The following EFCAB5 variants were observed in gnomAD, a reference collection of about 807,000 sequenced individuals.
EFCAB5 encodes EF-hand calcium binding domain 5.
EFCAB5 carries 131 observed loss-of-function variants against 167.9 expected under a neutral mutation model. The observed-to-expected ratio is 0.78, with a 90% confidence interval of 0.68 to 0.90. The LOEUF (loss-of-function observed/expected upper bound fraction) is 0.90, where lower values mean the gene tolerates loss of function less well. Among genes scored for constraint, EFCAB5 ranks in the 40% least tolerant of loss-of-function variants. The pLI, the probability that EFCAB5 is intolerant of heterozygous loss-of-function variation, is 0.00. For synonymous variants in EFCAB5, 574 were observed against 602.8 expected, an observed-to-expected ratio of 0.95 and a Z score of 0.70; for missense variants, 1,663 against 1,745.2, an observed-to-expected ratio of 0.95 and a Z score of 0.84.
At chr17:30,086,123 G>A (rs947526931) in intron 18 of EFCAB5, among the ~76,000 whole-genome samples, 1 of 152,028 alleles carries the variant, frequency 6.6e-6, no homozygotes, top group Non-Finnish European at 1.5e-5. Context: ...AACCTCCGGG[G>A]TAGCTAAGAC....
chr17:30,045,518 C>T (rs1207361378), intron 8 of EFCAB5, among the ~76,000 whole-genome samples: 2 of 149,584 alleles, frequency 1.3e-5, no homozygotes, highest in African/African-American at 2.5e-5. Flanking sequence ...AAATGTTCTA[C>T]AGCTTCACTG....
chr17:30,011,179 C>T (rs1344530333), intron 7 of EFCAB5, among the ~76,000 whole-genome samples: 1 of 152,122 alleles, frequency 6.6e-6, no homozygotes, highest in Non-Finnish European at 1.5e-5. Flanking sequence ...TGTTTTGGTA[C>T]CAGTACCATG....
chr17:29,934,382 GT>G (rs749472944), intron 1 of EFCAB5, among the ~76,000 whole-genome samples: 36 of 152,254 alleles, frequency 2.4e-4, no homozygotes, highest in Middle Eastern at 3.4e-3. Flanking sequence ...AACACTTTTT[GT>G]GTCAAGTATC....
chr17:30,069,634 G>A (rs542860956), intron 14 of EFCAB5: 2 of 1,609,570 alleles, frequency 1.2e-6, no homozygotes, highest in Non-Finnish European at 1.7e-6. Flanking sequence ...ACCACAGCTA[G>A]CCTGGGCCAC....
rs780505938 is a variant in EFCAB5 at position 30,090,574 on chromosome 17, A to G, written c.3837A>G (p.Gln1279=). 1 of 1,614,004 alleles carries G rather than the reference A, an allele frequency of 6.2e-7. No individual in the cohort carries two copies. Among genetic ancestry groups the G allele is most frequent in the Non-Finnish European group, 8.5e-7 (1 of 1,179,886 alleles). Residue 1279 remains glutamine (Q), a synonymous_variant, in exon 20 of 23, where the codon CAA becomes CAG. Coordinates refer to ENST00000394835, the MANE Select transcript of EFCAB5 (RefSeq NM_198529.4). The part of the protein sequence containing the change: ...NIGQNRMLLC[Q]EYKDLQKMMK... ...GCCAAAATAGGATGTTGTTGTGTCA[A>G]GAATATAAAGATCTACAGAAAATGA...
chr17:30,023,451 G>A (rs146900959), intron 7 of EFCAB5, among the ~76,000 whole-genome samples: 13,626 of 151,854 alleles, frequency 0.09, 1,354 homozygotes, highest in African/African-American at 0.25. Flanking sequence ...TAAATTCCTC[G>A]ACACATACAC....
chr17:30,057,050 T>C (rs1421689416), intron 12 of EFCAB5, among the ~76,000 whole-genome samples: 1 of 152,196 alleles, frequency 6.6e-6, no homozygotes, highest in Non-Finnish European at 1.5e-5. Flanking sequence ...CTTCATACTG[T>C]ACTATTGAGC....
chr17:30,037,922 A>T (rs1175425850), intron 8 of EFCAB5, among the ~76,000 whole-genome samples: 1 of 152,164 alleles, frequency 6.6e-6, no homozygotes, highest in Non-Finnish European at 1.5e-5. Context: ...GCCAATTAAT[A>T]ACCCTAGAAA....
chr17:29,961,471 T>G (rs1333781235), intron 3 of EFCAB5, among the ~76,000 whole-genome samples: 1 of 152,220 alleles, frequency 6.6e-6, no homozygotes, highest in Non-Finnish European at 1.5e-5. Flanking sequence ...AAGTATATTT[T>G]ATCTTTTTTT....
upstream of EFCAB5, among the ~76,000 whole-genome samples, chr17:29,939,570 C>T (rs544341954): frequency 1.2e-4 from 18 of 152,320 alleles, no homozygotes; most frequent in East Asian, 1.5e-3. Flanking sequence ...CCTTCATTGA[C>T]GATCTTAGTT....
At chr17:29,930,498 A>T (rs543257664) in intron 1 of EFCAB5, among the ~76,000 whole-genome samples, 2 of 152,210 alleles carry the variant, frequency 1.3e-5, no homozygotes, top group South Asian at 4.2e-4. Flanking sequence ...CACTCCTGAG[A>T]GACAACCATT....
intron 14 of EFCAB5, among the ~76,000 whole-genome samples, chr17:30,076,632 G>A (rs1159718542): frequency 1.3e-5 from 2 of 152,218 alleles, no homozygotes; most frequent in Non-Finnish European, 1.5e-5. Flanking sequence ...CACAACGGAA[G>A]TCTTCTTGAG....
intron 20 of EFCAB5, among the ~76,000 whole-genome samples, chr17:30,091,208 A>G (rs116234882): frequency 0.017 from 2,524 of 152,310 alleles, 57 homozygotes; most frequent in African/African-American, 0.055. Flanking sequence ...TCTAAGGTCC[A>G]ATAGCAAGCT....
At chr17:29,983,909 C>T (rs930974841) in intron 4 of EFCAB5, among the ~76,000 whole-genome samples, 2 of 151,742 alleles carry the variant, frequency 1.3e-5, no homozygotes, top group Admixed American at 1.3e-4. Context: ...TCTAGTCAGG[C>T]AAAGAGAGGG....
intron 3 of EFCAB5, among the ~76,000 whole-genome samples, chr17:29,954,663 G>A (rs570773586): frequency 8.5e-5 from 13 of 152,306 alleles, no homozygotes; most frequent in Middle Eastern, 3.4e-3. Flanking sequence ...GAGCCCCCAC[G>A]CAGAGTCCCT....
At chr17:30,025,634 A>G (rs2069297801) in intron 7 of EFCAB5, among the ~76,000 whole-genome samples, 1 of 152,228 alleles carries the variant, frequency 6.6e-6, no homozygotes, top group Non-Finnish European at 1.5e-5. Context: ...ATCTAGAACT[A>G]GAAATACCAC....
rs773942241 is a variant in EFCAB5 at position 30,078,494 on chromosome 17, C to A, written c.3017C>A (p.Ala1006Asp). The change falls in exon 15 of 23, where the codon GCC (alanine) becomes GAC (aspartate). Residue 1006 changes from alanine (A) to aspartate (D), a missense_variant. Physicochemically the swap from Ala to Asp is moderately radical, Grantham distance 126. Transcript: ENST00000394835. ...CCGGTGTATAGTGAGACCTTTAAGG[C>A]CCTCATGCAGGTACGTTTCCTAAAG... ...LEPVYSETFK[A>D]LMQDAEAHGN... The A allele has an allele frequency of 1.9e-6, 3 of 1,590,044 alleles. No individual in the cohort carries two copies. The highest frequency in any genetic ancestry group is 1.1e-5 in the South Asian group (1 of 88,308).
intron 18 of EFCAB5, among the ~76,000 whole-genome samples, chr17:30,085,577 C>T (rs1029761032): frequency 2.6e-5 from 4 of 151,940 alleles, no homozygotes; most frequent in Admixed American, 1.3e-4. Context: ...AAAAATTAGC[C>T]GGGCGCGGTG....
At chr17:30,059,727 A>T in intron 14 of EFCAB5, 26 bp downstream of exon 14, 1 of 1,548,040 alleles carries the variant, frequency 6.5e-7, no homozygotes, top group African/African-American at 1.4e-5. Flanking sequence ...GTTCTTATTT[A>T]AACTGTGGTA....
Sources: gnomAD v4.1 joint callset for allele counts (sites outside exome capture counted in the v4.1 genomes callset) on GRCh38, gnomAD v4.1.1 for gene constraint, MANE v1.5 for transcripts, NCBI Gene and HGNC (gene_info 2026-07-23, HGNC 2026-07-21) for gene names.